Variants in ERO1A observed in about 807,000 individuals in gnomAD.
ERO1A encodes the protein ERO1-like protein alpha.
A neutral mutation model predicts 76.9 loss-of-function variants in ERO1A; 49 were observed. The ratio of observed to expected loss-of-function variants is 0.64; its 90% CI spans 0.51 to 0.81. The LOEUF (loss-of-function observed/expected upper bound fraction) is 0.81, where lower values mean the gene tolerates loss of function less well. Ranked by LOEUF, ERO1A falls within the 30% of genes least tolerant of loss-of-function variation. The pLI is 0.00. For synonymous variants in ERO1A, 174 were observed against 181.2 expected (o/e 0.96, Z 0.32); for missense variants, 448 against 542.1 (o/e 0.83, Z 1.72).
chr14:52,691,960 A>T (rs569196467), intron 1 of ERO1A, among the ~76,000 whole-genome samples: 16 of 152,376 alleles, frequency 1.1e-4, no homozygotes, highest in Non-Finnish European at 2.2e-4. Flanking sequence ...AACTTACAAC[A>T]TACAGTGAAA....
rs1301800920 is a variant in ERO1A, at chr14:52,641,485, G to A, written c.*2085C>T. 10 of 152,472 alleles carry A rather than the reference G, an allele frequency of 6.6e-5. No individual in the cohort carries two copies. The highest frequency in any genetic ancestry group is 3.8e-4 in the East Asian group (2 of 5,208). 9.4% of individuals were successfully genotyped at this position (152,472 alleles called of 1,614,324 possible). A position where few individuals can be genotyped will look rare whatever the true frequency, so the allele number is the denominator to read the frequency against. ...AAAAATTAGCCGGGCGTGGTGGCGG[G>A]CGCCTGTAGTCCCAGCTACTCAGGG... is the stretch of plus-strand genomic sequence containing the variant. On this transcript the variant is annotated 3_prime_UTR_variant, in exon 16 of 16. Coordinates refer to ENST00000395686, the MANE Select transcript of ERO1A (RefSeq NM_014584.3).
intron 3 of ERO1A, among the ~76,000 whole-genome samples, chr14:52,681,168 T>C (rs1304602718): frequency 6.6e-6 from 1 of 152,132 alleles, no homozygotes; most frequent in African/African-American, 2.4e-5. Flanking sequence ...AAGTAGGGAC[T>C]CAAATAAATA....
chr14:52,654,385 C>G (rs1271292182), intron 11 of ERO1A, among the ~76,000 whole-genome samples: 1 of 151,870 alleles, frequency 6.6e-6, no homozygotes, highest in Non-Finnish European at 1.5e-5. Flanking sequence ...TCCATTTGTT[C>G]TTTTAATTAA....
At chr14:52,671,521 A>G in intron 6 of ERO1A, 109 bp downstream of exon 6, 3 of 670,900 alleles carry the variant, frequency 4.5e-6, no homozygotes. Context: ...CAGCCTCCAG[A>G]TAAGCTGGGA....
At chr14:52,655,973 G>A (rs545856487) in intron 11 of ERO1A, among the ~76,000 whole-genome samples, 142 of 152,134 alleles carry the variant, frequency 9.3e-4, no homozygotes, top group Middle Eastern at 3.4e-3. Context: ...AGGTAATTAC[G>A]CCACATAGTT....
intron 3 of ERO1A, among the ~76,000 whole-genome samples, chr14:52,680,093 A>C (rs1431090870): frequency 1.6e-4 from 25 of 151,658 alleles, no homozygotes; most frequent in Middle Eastern, 3.4e-3. Flanking sequence ...AAAAAAAAAA[A>C]AAAAAAAAAA....
At chr14:52,681,396 C>T (rs1245770943) in intron 3 of ERO1A, among the ~76,000 whole-genome samples, 1 of 151,974 alleles carries the variant, frequency 6.6e-6, no homozygotes, top group African/African-American at 2.4e-5. Context: ...CAGTTCGAGA[C>T]CAGCCTGACC....
Position 52,643,168 on chromosome 14 carries a change from T to C in ERO1A, c.*402A>G, listed in dbSNP as rs1351218118. The C allele has an allele frequency of 2.6e-5, 4 of 153,248 alleles. No homozygotes were observed. Among genetic ancestry groups the C allele is most frequent in the Non-Finnish European group, 5.8e-5 (4 of 68,786 alleles). 9.5% of individuals were successfully genotyped at this position (153,248 alleles called of 1,614,324 possible). On this transcript the variant is annotated 3_prime_UTR_variant, in exon 16 of 16. Transcript: ENST00000395686. Reference sequence around the variant, plus strand: ...CTGAAAAATTCTACGTTGGTAATTATGGGTCATTTATGAGGCCTCCTTAGC... The same window carrying C: ...CTGAAAAATTCTACGTTGGTAATTACGGGTCATTTATGAGGCCTCCTTAGC...
intron 4 of ERO1A, among the ~76,000 whole-genome samples, chr14:52,675,731 C>T (rs1057419497): frequency 6.6e-6 from 1 of 152,152 alleles, no homozygotes; most frequent in African/African-American, 2.4e-5. Context: ...ACCTCCCAGA[C>T]TCAAGGGATC....
At chr14:52,694,941 T>C (rs1433813553) in intron 1 of ERO1A, among the ~76,000 whole-genome samples, 1 of 152,194 alleles carries the variant, frequency 6.6e-6, no homozygotes, top group East Asian at 1.9e-4. Flanking sequence ...ACAAACGTCT[T>C]AGCCAGAAAG....
intron 12 of ERO1A, 46 bp downstream of exon 12, chr14:52,653,019 CATTA>C (rs200160951): frequency 0.016 from 21,156 of 1,317,736 alleles, 196 homozygotes; most frequent in Non-Finnish European, 0.02. Flanking sequence ...TTATCTTGTA[CATTA>C]ATTGTCACTC....
At position 52,660,055 on chromosome 14, in the gene ERO1A, A is replaced by G. The variant is rs530740413; in HGVS notation, c.688+1238T>C. ...CACCAGGTTAGCCAGGCTGGTCTCAAACTCCTGGCCTCAAGTGACCAGCCA... is the reference window on the plus strand; with the variant it reads ...CACCAGGTTAGCCAGGCTGGTCTCAGACTCCTGGCCTCAAGTGACCAGCCA... On this transcript the variant is annotated intron_variant, in intron 9 of 15. Transcript: ENST00000395686. Among the ~76,000 whole-genome samples, 5 of 152,064 alleles carry G rather than the reference A, an allele frequency of 3.3e-5. No homozygotes were observed. In the South Asian group the frequency reaches 1.0e-3, roughly 32 times the overall value.
At chr14:52,674,414 G>A (rs1455769570) in intron 4 of ERO1A, among the ~76,000 whole-genome samples, 2 of 152,028 alleles carry the variant, frequency 1.3e-5, no homozygotes, top group Non-Finnish European at 2.9e-5. Context: ...GCCCAGACTG[G>A]TCTTGAACTC....
intron 4 of ERO1A, among the ~76,000 whole-genome samples, chr14:52,672,410 A>G (rs1264362936): frequency 1.3e-5 from 2 of 152,224 alleles, no homozygotes; most frequent in East Asian, 3.8e-4. Context: ...ACATTTCTAC[A>G]ATAAATATTT....
In ERO1A at chr14:52,663,866, A is replaced by T. The variant is rs1349553867; in HGVS notation, c.630-19T>A. 4 of 1,420,858 alleles carry T rather than the reference A, an allele frequency of 2.8e-6. No individual in the cohort carries two copies. The highest frequency in any genetic ancestry group is 3.9e-6 in the Non-Finnish European group (4 of 1,015,386). The allele number at this position is 1,420,858 out of a possible 1,614,324, so 88.0% of individuals were successfully genotyped here. A position where few individuals can be genotyped will look rare whatever the true frequency, so the allele number is the denominator to read the frequency against. On this transcript the variant is annotated intron_variant, in intron 7 of 15. Coordinates refer to ENST00000395686, the MANE Select transcript of ERO1A (RefSeq NM_014584.3). ...CTGTGGCCTAGAAGTAAAAAGAATT[A>T]AAAATATCAACACAAATATGTTACC... is the stretch of plus-strand genomic sequence containing the variant.
In ERO1A at chr14:52,653,203, G is replaced by T; in HGVS notation, c.921C>A (p.Leu307=). 3 of 1,613,340 alleles carry T rather than the reference G, an allele frequency of 1.9e-6. No individual in the cohort carries two copies. The highest frequency in any genetic ancestry group is 2.2e-5 in the East Asian group (1 of 44,802). ...GPRRLKNLYF[L]YLIELRALSK... ...ATAAAGCCCTTAGTTCTATTAAGTA[G>T]AGAAAATACAAGTTCTTAAGCCTTC... Residue 307 remains leucine (L), a synonymous_variant, in exon 12 of 16, where the codon CTC becomes CTA. Transcript: ENST00000395686.
chr14:52,684,285 A>G (rs1331297878), intron 1 of ERO1A, among the ~76,000 whole-genome samples: 1 of 152,184 alleles, frequency 6.6e-6, no homozygotes, highest in Admixed American at 6.5e-5. Context: ...TGAGAATAAC[A>G]GGGAAAGATG....
intron 3 of ERO1A, 60 bp downstream of exon 3, chr14:52,682,265 A>C (rs2041021352): frequency 2.3e-6 from 3 of 1,330,692 alleles, no homozygotes; most frequent in African/African-American, 1.5e-5. Context: ...AAAACAAAAC[A>C]AAAAGTTATA....
At chr14:52,654,976 T>C (rs2039995980) in intron 11 of ERO1A, among the ~76,000 whole-genome samples, 1 of 152,226 alleles carries the variant, frequency 6.6e-6, no homozygotes. Flanking sequence ...AATATAACTT[T>C]CAAATCAGTT....
Sources: gnomAD v4.1 joint callset for allele counts (sites outside exome capture counted in the v4.1 genomes callset) on GRCh38, gnomAD v4.1.1 for gene constraint, MANE v1.5 for transcripts, NCBI Gene and HGNC (gene_info 2026-07-23, HGNC 2026-07-21) for gene names.